Variants in HNF4G observed in about 807,000 individuals in gnomAD.
The protein encoded by HNF4G is hepatocyte nuclear factor 4-gamma.
HNF4G carries 21 observed loss-of-function variants against 50.9 expected under a neutral mutation model. The observed-to-expected ratio is 0.41, with a 90% confidence interval of 0.29 to 0.59. The LOEUF (loss-of-function observed/expected upper bound fraction) is 0.59, where lower values mean the gene tolerates loss of function less well. HNF4G is among the 20% of genes least tolerant of loss of function. HNF4G has a pLI of 0.26. For synonymous variants in HNF4G, 198 were observed against 185.6 expected, an observed-to-expected ratio of 1.07 and a Z score of -0.54; for missense variants, 527 against 559.4, an observed-to-expected ratio of 0.94 and a Z score of 0.58.
At chr8:75,523,455 T>G (rs1400791963) in intron 2 of HNF4G, among the ~76,000 whole-genome samples, 1 of 152,160 alleles carries the variant, frequency 6.6e-6, no homozygotes, top group Non-Finnish European at 1.5e-5. Context: ...ATCTTTTATT[T>G]TATTTTCTGC....
At chr8:75,518,439 T>C (rs1280211516) in intron 2 of HNF4G, among the ~76,000 whole-genome samples, 2 of 152,100 alleles carry the variant, frequency 1.3e-5, no homozygotes, top group East Asian at 3.9e-4. Context: ...CTCAGGGATC[T>C]AGAACTAGAA....
intron 1 of HNF4G, among the ~76,000 whole-genome samples, chr8:75,418,823 G>C (rs1810707847): frequency 6.6e-6 from 1 of 151,360 alleles, no homozygotes; most frequent in Admixed American, 6.6e-5. Context: ...CGCCTCCCGG[G>C]TTCAAGCGAT....
intron 1 of HNF4G, among the ~76,000 whole-genome samples, chr8:75,412,421 T>G (rs1480939472): frequency 6.6e-5 from 10 of 152,248 alleles, no homozygotes; most frequent in African/African-American, 2.4e-4. Context: ...TTGCATTATT[T>G]AAATTAAGCA....
At chr8:75,412,465 T>C (rs1173933793) in intron 1 of HNF4G, among the ~76,000 whole-genome samples, 1 of 152,218 alleles carries the variant, frequency 6.6e-6, no homozygotes, top group Non-Finnish European at 1.5e-5. Context: ...CTTCCTACAC[T>C]CTATTTCAGT....
chr8:75,537,913 G>T (rs1806512066), upstream of HNF4G, among the ~76,000 whole-genome samples: 1 of 152,058 alleles, frequency 6.6e-6, no homozygotes, highest in African/African-American at 2.4e-5. Flanking sequence ...TATTTTATTT[G>T]CTTAATCAGT....
intron 2 of HNF4G, among the ~76,000 whole-genome samples, chr8:75,506,811 C>A (rs2943568): frequency 0.16 from 24,066 of 152,012 alleles, 3,200 homozygotes; most frequent in African/African-American, 0.37. Context: ...AAGACAAATT[C>A]TTGTGGGCTA....
Position 75,422,703 on chromosome 8 carries a change from G to C in HNF4G, c.-144+14541G>C, listed in dbSNP as rs113486782. On this transcript the variant is annotated intron_variant, in intron 1 of 10. Transcript: ENST00000354370. ...GGCTGGAGTGCGGTGGTGCGATCTCGGCTCACTGCAAGCTCCGCCTCCCAG... is the reference window on the plus strand; with the variant it reads ...GGCTGGAGTGCGGTGGTGCGATCTCCGCTCACTGCAAGCTCCGCCTCCCAG... 4.6e-5 allele frequency among the ~76,000 whole-genome samples: 7 copies of C among 150,774 alleles called. 1 individual carries two copies. In the South Asian group the frequency reaches 6.3e-4, roughly 14 times the overall value.
At chr8:75,481,151 G>GA (rs1812368067) in intron 1 of HNF4G, among the ~76,000 whole-genome samples, 2 of 152,098 alleles carry the variant, frequency 1.3e-5, no homozygotes, top group Non-Finnish European at 2.9e-5. Context: ...TTAGCTTCAT[G>GA]CTTGGAATTT....
At chr8:75,555,774 A>G (rs1807100232) in intron 5 of HNF4G, among the ~76,000 whole-genome samples, 2 of 150,364 alleles carry the variant, frequency 1.3e-5, no homozygotes, top group African/African-American at 4.9e-5. Context: ...GATTTGCTAG[A>G]TAGTTTTAAA....
At chr8:75,519,591 G>A (rs994158181) in intron 2 of HNF4G, among the ~76,000 whole-genome samples, 6 of 152,198 alleles carry the variant, frequency 3.9e-5, no homozygotes, top group African/African-American at 1.4e-4. Flanking sequence ...GCAAAGTCAT[G>A]TCTTACTTAT....
chr8:75,430,499 AGAGG>A (rs1191619471), intron 1 of HNF4G, among the ~76,000 whole-genome samples: 4 of 128,144 alleles, frequency 3.1e-5, no homozygotes, highest in African/African-American at 9.2e-5. Flanking sequence ...AGAGAGAGAG[AGAGG>A]GAGAGAGAGA....
chr8:75,511,444 A>G (rs992305965), intron 2 of HNF4G, among the ~76,000 whole-genome samples: 2 of 152,152 alleles, frequency 1.3e-5, no homozygotes, highest in African/African-American at 4.8e-5. Flanking sequence ...CTTCTATTAT[A>G]TATCAATTAT....
At chr8:75,493,459 C>T (rs1187632318) in intron 2 of HNF4G, among the ~76,000 whole-genome samples, 2 of 152,002 alleles carry the variant, frequency 1.3e-5, no homozygotes, top group African/African-American at 2.4e-5. Flanking sequence ...ATATTTCCAA[C>T]AAAAGTGTAA....
intron 2 of HNF4G, among the ~76,000 whole-genome samples, chr8:75,520,396 A>T (rs1345614620): frequency 1.3e-5 from 2 of 151,920 alleles, no homozygotes; most frequent in African/African-American, 4.8e-5. Context: ...TTTTTAAATT[A>T]TGATTTTACT....
At chr8:75,525,581 GC>G (rs1403992609) in intron 2 of HNF4G, among the ~76,000 whole-genome samples, 3 of 152,138 alleles carry the variant, frequency 2.0e-5, no homozygotes, top group Non-Finnish European at 4.4e-5. Context: ...TCACCTCTAA[GC>G]CAGCTAGCTC....
At chr8:75,438,027 G>GC (rs1811182559) in intron 1 of HNF4G, among the ~76,000 whole-genome samples, 2 of 152,148 alleles carry the variant, frequency 1.3e-5, no homozygotes, top group Non-Finnish European at 2.9e-5. Context: ...AATTAATAGA[G>GC]TTTTTAATGT....
chr8:75,514,543 G>C (rs1447142282), intron 2 of HNF4G, among the ~76,000 whole-genome samples: 1 of 151,418 alleles, frequency 6.6e-6, no homozygotes, highest in Non-Finnish European at 1.5e-5. Context: ...AGTAGAGATG[G>C]GGTTTCACCA....
intron 1 of HNF4G, among the ~76,000 whole-genome samples, chr8:75,439,139 T>C (rs1811211319): frequency 6.6e-6 from 1 of 152,006 alleles, no homozygotes; most frequent in East Asian, 1.9e-4. Context: ...TGGTTGGAGG[T>C]GTATCTTCAG....
upstream of HNF4G, among the ~76,000 whole-genome samples, chr8:75,538,921 A>G (rs932692628): frequency 4.6e-5 from 7 of 152,220 alleles, no homozygotes; most frequent in Non-Finnish European, 8.8e-5. Flanking sequence ...ACTTTTCTGC[A>G]ATCTTTAACA....
Sources: gnomAD v4.1 joint callset for allele counts (sites outside exome capture counted in the v4.1 genomes callset) on GRCh38, gnomAD v4.1.1 for gene constraint, MANE v1.5 for transcripts, NCBI Gene and HGNC (gene_info 2026-07-23, HGNC 2026-07-21) for gene names.